Variants in GLDC observed in about 807,000 individuals in gnomAD.
GLDC encodes glycine dehydrogenase (decarboxylating), mitochondrial.
In GLDC, 104 loss-of-function variants were observed where a neutral mutation model predicts 121.3. The ratio of observed to expected loss-of-function variants is 0.86; its 90% CI spans 0.73 to 1.01. GLDC has a LOEUF of 1.01. Ranked by LOEUF, GLDC falls within the 50% of genes least tolerant of loss-of-function variation. The pLI, the probability that GLDC is intolerant of heterozygous loss-of-function variation, is 0.00. For synonymous variants in GLDC, 546 were observed against 480.6 expected (o/e 1.14, Z -1.78); for missense variants, 1,429 against 1,306.6 (o/e 1.09, Z -1.44).
intron 2 of GLDC, among the ~76,000 whole-genome samples, chr9:6,642,958 G>A (rs1188620770): frequency 6.6e-6 from 1 of 151,592 alleles, no homozygotes; most frequent in Admixed American, 6.6e-5. Flanking sequence ...AAGTGCAGTG[G>A]AGCCATCTTG....
intron 19 of GLDC, among the ~76,000 whole-genome samples, 163 bp downstream of exon 19, chr9:6,554,506 A>G (rs997448107): frequency 5.9e-5 from 9 of 152,212 alleles, no homozygotes; most frequent in Non-Finnish European, 1.3e-4. Context: ...GAAATCCCCT[A>G]AAAGCACCCA....
rs374969047 is a variant in GLDC, at chr9:6,536,071, G to A, written c.2831C>T (p.Pro944Leu). 2.8e-5 allele frequency: 45 copies of A among 1,612,964 alleles called. No individual in the cohort carries two copies. The highest frequency in any genetic ancestry group is 2.2e-4 in the South Asian group (20 of 91,042). Reference protein sequence around the residue: ...EEGRIDPRVNPLKMSPHSLTC... With the variant: ...EEGRIDPRVNLLKMSPHSLTC... ...GTTCCAGGGCCTACGCACCTTCAGC[G>A]GATTGACCCTGGGGTCGATGCGGCC... The change falls in exon 23 of 25, where the codon CCG (proline) becomes CTG (leucine). Residue 944 changes from proline (P) to leucine (L), a missense_variant. Coordinates refer to ENST00000321612, the MANE Select transcript of GLDC (RefSeq NM_000170.3).
In GLDC at chr9:6,627,938, G is replaced by A. The variant is rs555020678; in HGVS notation, c.335-7619C>T. Among the ~76,000 whole-genome samples the A allele has an allele frequency of 1.5e-3, 224 of 152,316 alleles. 1 individual carries two copies. The highest frequency in any genetic ancestry group is 2.7e-3 in the Non-Finnish European group (185 of 68,032). On this transcript the variant is annotated intron_variant, in intron 2 of 24. Transcript: ENST00000321612. ...AGATCTGCAGGAGAACAAACCCAGT[G>A]TACCTAGAAGCCCAGAGTTTGAGTA... is the stretch of plus-strand genomic sequence containing the variant.
chr9:6,553,314 G>C, intron 20 of GLDC, 54 bp downstream of exon 20: 1 of 1,535,352 alleles, frequency 6.5e-7, no homozygotes, highest in African/African-American at 1.4e-5. Context: ...CGGTCCCCAT[G>C]CATGCCTGAC....
chr9:6,565,556 G>A (rs2129758941), intron 15 of GLDC, 127 bp from the exon 16 acceptor site: 4 of 767,040 alleles, frequency 5.2e-6, no homozygotes, highest in East Asian at 2.6e-5. Flanking sequence ...CAGACGCTGA[G>A]AGAAGCTCAT....
rs186449080 is a variant in GLDC, at chr9:6,644,956, C to T, written c.256-264G>A. On this transcript the variant is annotated intron_variant, in intron 1 of 24. Transcript: ENST00000321612. ...GCCCACTCTTAATCAGGGGGTCTTCCTCCTCTTGCAAAGTTTAGGTCCATC... is the reference window on the plus strand; with the variant it reads ...GCCCACTCTTAATCAGGGGGTCTTCTTCCTCTTGCAAAGTTTAGGTCCATC... 8.2e-6 allele frequency: 5 copies of T among 611,330 alleles called. No individual in the cohort carries two copies. The East Asian group carries it at 1.4e-4, about 17-fold the overall frequency. 37.9% of individuals were successfully genotyped at this position (611,330 alleles called of 1,614,324 possible).
At chr9:6,602,502 G>GAC (rs1313181514) in intron 7 of GLDC, among the ~76,000 whole-genome samples, 1 of 151,320 alleles carries the variant, frequency 6.6e-6, no homozygotes, top group Non-Finnish European at 1.5e-5. Flanking sequence ...TCAGCCTCCT[G>GAC]ACACCACGCC....
chr9:6,579,668 T>C (rs2129806590), intron 15 of GLDC, among the ~76,000 whole-genome samples: 1 of 152,234 alleles, frequency 6.6e-6, no homozygotes, highest in South Asian at 2.1e-4. Context: ...TGTTTAAAAT[T>C]GAAACTCATG....
At chr9:6,540,974 T>G (rs1210522949) in intron 21 of GLDC, 1 of 152,182 alleles carries the variant, frequency 6.6e-6, no homozygotes, top group East Asian at 1.9e-4. Flanking sequence ...CAGGGCAACA[T>G]GGCCAAACCC....
Position 6,550,878 on chromosome 9 carries a change from T to C in GLDC, c.2494A>G (p.Thr832Ala), listed in dbSNP as rs754106308. 6.2e-7 allele frequency: 1 copy of C among 1,613,618 alleles called. No homozygotes were observed. The highest frequency in any genetic ancestry group is 2.2e-5 in the East Asian group (1 of 44,868). ...GGKGLKQATE[T>A]AILNANYMAK... The stretch of plus-strand genomic sequence containing the variant: ...ATGTAGTTGGCATTTAATATCGCAG[T>C]TTCCGTGGCTTGTTTAAGACCCTTG... Residue 832 changes from threonine to alanine, a missense_variant, in exon 21 of 25, where the codon ACT becomes GCT. Physicochemically the swap from Thr to Ala is moderately conservative, Grantham distance 58. Coordinates refer to ENST00000321612, the MANE Select transcript of GLDC (RefSeq NM_000170.3).
Position 6,587,251 on chromosome 9 carries a change from G to T in GLDC, c.1740C>A (p.His580Gln). 6.2e-7 allele frequency: 1 copy of T among 1,613,930 alleles called. No individual in the cohort carries two copies. Among genetic ancestry groups the T allele is most frequent in the South Asian group, 1.1e-5 (1 of 91,076 alleles). ...PITWKEFANI[H>Q]PFVPLDQAQG... is the part of the protein sequence containing the mutation. ...GAGCTTGATCCAGAGGCACAAAGGGGTGGATGTTTGCAAATTCTTTCCATG... is the reference window on the plus strand; with the variant it reads ...GAGCTTGATCCAGAGGCACAAAGGGTTGGATGTTTGCAAATTCTTTCCATG... The change falls in exon 15 of 25, where the codon CAC (histidine) becomes CAA (glutamine). Residue 580 changes from histidine (H) to glutamine (Q), a missense_variant. By Grantham distance (24) the His-to-Gln change is conservative (BLOSUM62 0). Coordinates refer to ENST00000321612, the MANE Select transcript of GLDC (RefSeq NM_000170.3).
At chr9:6,600,071 G>C (rs117712249) in intron 8 of GLDC, among the ~76,000 whole-genome samples, 33 of 152,208 alleles carry the variant, frequency 2.2e-4, no homozygotes, top group African/African-American at 7.2e-4. Context: ...TCATGGAAGA[G>C]ATGCAATTAC....
chr9:6,555,802 GA>G (rs1293305536), intron 18 of GLDC, among the ~76,000 whole-genome samples: 1 of 151,808 alleles, frequency 6.6e-6, no homozygotes, highest in Non-Finnish European at 1.5e-5. Context: ...AAAAAAGAAA[GA>G]AAGAAAGAAA....
At position 6,554,034 on chromosome 9, in the gene GLDC, T is replaced by C. The variant is rs531936525; in HGVS notation, c.2316-525A>G. On this transcript the variant is annotated intron_variant, in intron 19 of 24. Coordinates refer to ENST00000321612, the MANE Select transcript of GLDC (RefSeq NM_000170.3). Reference sequence around the variant, plus strand: ...AAGAAAAAAGTAAGAAGGCCAAGCTTCCAGCAACTCTGAAAACTGACTTCT... The same window carrying C: ...AAGAAAAAAGTAAGAAGGCCAAGCTCCCAGCAACTCTGAAAACTGACTTCT... 7.2e-5 allele frequency among the ~76,000 whole-genome samples: 11 copies of C among 152,224 alleles called. No individual in the cohort carries two copies. The South Asian group carries it at 1.5e-3, about 20-fold the overall frequency.
Position 6,556,285 on chromosome 9 carries a change from C to T in GLDC, c.2070G>A (p.Glu690=), listed in dbSNP as rs1817629842. ...ATGTAATCATGATAGCTGCTAGGTT[C>T]TCCTTGTGCTTATCCACCTGTGAAA... ...HLKAMVDKHK[E]NLAAIMITYP... is the part of the protein sequence containing the mutation. Residue 690 remains glutamate (E), a synonymous_variant, in exon 18 of 25, where the codon GAG becomes GAA. Transcript: ENST00000321612. 1 of 1,613,564 alleles carries T rather than the reference C, an allele frequency of 6.2e-7. No individual in the cohort carries two copies.
chr9:6,553,583 T>C (rs1197555960), intron 19 of GLDC, 74 bp from the exon 20 acceptor site: 2 of 1,434,738 alleles, frequency 1.4e-6, no homozygotes, highest in Admixed American at 1.7e-5. Context: ...TTCTGGGCCC[T>C]CCCAGAAAGC....
rs751362445 is a variant in GLDC at position 6,602,136 on chromosome 9, C to T, written c.1128G>A (p.Lys376=). Reference sequence around the variant, plus strand: ...GAGCTGTACAGATGTTGCTGGTAGCCTTGTCTCTCCGAATGTGTTGCTCCC... The same window carrying T: ...GAGCTGTACAGATGTTGCTGGTAGCTTTGTCTCTCCGAATGTGTTGCTCCC... ...QTREQHIRRD[K]ATSNICTAQA... The change falls in exon 8 of 25, where the codon AAG becomes AAA. Residue 376 remains lysine, a synonymous_variant. Coordinates refer to ENST00000321612, the MANE Select transcript of GLDC (RefSeq NM_000170.3). 1.2e-6 allele frequency: 2 copies of T among 1,612,506 alleles called. No homozygotes were observed. The highest frequency in any genetic ancestry group is 1.7e-6 in the Non-Finnish European group (2 of 1,178,594).
Position 6,565,446 on chromosome 9 carries a change from G to A in GLDC, c.1851-17C>T. 1 of 1,595,542 alleles carries A rather than the reference G, an allele frequency of 6.3e-7. No homozygotes were observed. ...TGGGCTCCGCTTGCAAAGACAAGAA[G>A]AAAGGGATCACGGTTAGGTCTTCTG... On this transcript the variant is annotated splice_polypyrimidine_tract_variant and intron_variant, in intron 15 of 24. Coordinates refer to ENST00000321612, the MANE Select transcript of GLDC (RefSeq NM_000170.3).
At chr9:6,586,353 GGTTATGATCA>G (rs1476334359) in intron 15 of GLDC, among the ~76,000 whole-genome samples, 1 of 152,122 alleles carries the variant, frequency 6.6e-6, no homozygotes, top group East Asian at 1.9e-4. Flanking sequence ...ACCCCCTGGA[GGTTATGATCA>G]GTGCGTCTGG....
Sources: gnomAD v4.1 joint callset for allele counts (sites outside exome capture counted in the v4.1 genomes callset) on GRCh38, gnomAD v4.1.1 for gene constraint, MANE v1.5 for transcripts, NCBI Gene and HGNC (gene_info 2026-07-23, HGNC 2026-07-21) for gene names.